Variants in XKR9 observed in about 807,000 individuals in gnomAD.
XKR9 encodes XK related 9.
Under a neutral mutation model 32.0 loss-of-function variants are expected in XKR9, and 32 were observed. That is an observed-to-expected ratio of 1.00 (90% confidence interval 0.76 to 1.34). XKR9 has a LOEUF of 1.34. XKR9 is among the 40% of genes most tolerant of loss of function. XKR9 has a pLI of 0.00. For missense variants in XKR9, 546 were observed against 429.7 expected, an observed-to-expected ratio of 1.27 and a Z score of -2.39; for synonymous variants, 168 against 143.4, an observed-to-expected ratio of 1.17 and a Z score of -1.22.
chr8:70,895,168 C>T, the XKR9 span, among the ~76,000 whole-genome samples: 1 of 152,032 alleles, frequency 6.6e-6, no homozygotes, highest in African/African-American at 2.4e-5. Flanking sequence ...CTTACCTCCT[C>T]ATTGTAGAGA....
At chr8:70,758,186 C>G (rs1196398326) in intron 2 of XKR9, among the ~76,000 whole-genome samples, 1 of 70,286 alleles carries the variant, frequency 1.4e-5, no homozygotes, top group Admixed American at 1.3e-4. Flanking sequence ...ACCCCTGCCC[C>G]TACGTTGTTA....
At chr8:70,869,086 C>T in the XKR9 span, among the ~76,000 whole-genome samples, 2 of 152,166 alleles carry the variant, frequency 1.3e-5, no homozygotes, top group African/African-American at 4.8e-5. Flanking sequence ...CATAGCCATT[C>T]AACAAGTCTC....
intron 3 of XKR9, among the ~76,000 whole-genome samples, chr8:70,685,509 A>ATAC (rs1004334499): frequency 2.0e-5 from 3 of 148,990 alleles, no homozygotes; most frequent in African/African-American, 7.4e-5. Flanking sequence ...AATAATAATA[A>ATAC]TAAAGAAAAT....
chr8:70,924,087 G>GT, the XKR9 span, among the ~76,000 whole-genome samples: 2 of 152,104 alleles, frequency 1.3e-5, no homozygotes, highest in Non-Finnish European at 2.9e-5. Flanking sequence ...GGGATCAATG[G>GT]TTTAACAACC....
the XKR9 span, among the ~76,000 whole-genome samples, chr8:70,953,389 G>A: frequency 6.6e-6 from 1 of 152,318 alleles, no homozygotes; most frequent in African/African-American, 2.4e-5. Context: ...ACTGCTCACT[G>A]TAGCCTCAAC....
At chr8:70,875,296 G>A in the XKR9 span, among the ~76,000 whole-genome samples, 3 of 152,112 alleles carry the variant, frequency 2.0e-5, no homozygotes, top group African/African-American at 7.2e-5. Flanking sequence ...GAATGCCTCC[G>A]TTTATAGCAG....
chr8:70,846,857 A>G, the XKR9 span, among the ~76,000 whole-genome samples: 1 of 152,200 alleles, frequency 6.6e-6, no homozygotes, highest in East Asian at 1.9e-4. Flanking sequence ...CAAATATTAT[A>G]TTTAAAGGGA....
chr8:70,702,663 T>C (rs553859393), intron 3 of XKR9, among the ~76,000 whole-genome samples: 1 of 152,310 alleles, frequency 6.6e-6, no homozygotes, highest in South Asian at 2.1e-4. Flanking sequence ...TCTTATATTA[T>C]TATGACATGT....
At chr8:70,894,966 T>A in the XKR9 span, among the ~76,000 whole-genome samples, 1 of 152,096 alleles carries the variant, frequency 6.6e-6, no homozygotes, top group Non-Finnish European at 1.5e-5. Context: ...AATTCCAAGA[T>A]GGTGTAGTGC....
the XKR9 span, among the ~76,000 whole-genome samples, chr8:70,989,263 T>C: frequency 6.6e-6 from 1 of 152,178 alleles, no homozygotes; most frequent in Non-Finnish European, 1.5e-5. Context: ...TTTGCAAAAA[T>C]TTTATGGTAA....
the XKR9 span, among the ~76,000 whole-genome samples, chr8:70,863,411 A>ATCT: frequency 2.0e-5 from 3 of 152,222 alleles, no homozygotes; most frequent in African/African-American, 7.2e-5. Context: ...TGTGATGAGC[A>ATCT]TCTTCTCTCA....
chr8:71,042,609 TTAAAA>T, the XKR9 span, among the ~76,000 whole-genome samples: 1 of 152,294 alleles, frequency 6.6e-6, no homozygotes, highest in Non-Finnish European at 1.5e-5. Context: ...TCTCAGTATC[TTAAAA>T]TAAACATCCA....
chr8:70,730,654 G>C (rs1586867484), intron 4 of XKR9, among the ~76,000 whole-genome samples: 2 of 152,142 alleles, frequency 1.3e-5, no homozygotes, highest in Non-Finnish European at 2.9e-5. Flanking sequence ...GAACTCAGAA[G>C]CGATTGTTGA....
chr8:70,815,472 C>G, the XKR9 span, among the ~76,000 whole-genome samples: 3 of 151,798 alleles, frequency 2.0e-5, no homozygotes, highest in Non-Finnish European at 4.4e-5. Flanking sequence ...TGGCCTCCAT[C>G]CATGGTCCCT....
the XKR9 span, among the ~76,000 whole-genome samples, chr8:70,850,017 C>G: frequency 6.6e-6 from 1 of 151,886 alleles, no homozygotes; most frequent in Admixed American, 6.6e-5. Context: ...CAGATGGATT[C>G]ACAACCGAAT....
At chr8:70,863,261 C>T in the XKR9 span, among the ~76,000 whole-genome samples, 1 of 152,056 alleles carries the variant, frequency 6.6e-6, no homozygotes, top group African/African-American at 2.4e-5. Flanking sequence ...ATAATTAAGG[C>T]TATAAGTTAA....
chr8:70,968,048 T>G, the XKR9 span, among the ~76,000 whole-genome samples: 1 of 152,202 alleles, frequency 6.6e-6, no homozygotes, highest in African/African-American at 2.4e-5. Context: ...TTGGTTCCAT[T>G]CTCCCCATCT....
the XKR9 span, among the ~76,000 whole-genome samples, chr8:70,986,648 A>G: frequency 6.6e-6 from 1 of 152,322 alleles, no homozygotes; most frequent in South Asian, 2.1e-4. Context: ...GCTAACTAAT[A>G]AGCAGAGGAA....
At chr8:70,792,510 A>G (rs1807777193), downstream of XKR9, among the ~76,000 whole-genome samples, 1 of 152,128 alleles carries the variant, frequency 6.6e-6, no homozygotes. Context: ...AAATGAGGAA[A>G]TCAATCAGTC....
Sources: allele counts gnomAD v4.1 joint callset (sites outside exome capture counted in the v4.1 genomes callset), GRCh38; gene constraint gnomAD v4.1.1; transcripts MANE v1.5; gene names NCBI Gene and HGNC (gene_info 2026-07-23, HGNC 2026-07-21).